SGCZ: variants seen among roughly 807,000 people sequenced by gnomAD.
The protein encoded by SGCZ is zeta-sarcoglycan.
A neutral mutation model predicts 41.3 loss-of-function variants in SGCZ; 40 were observed. That is an observed-to-expected ratio of 0.97 (90% CI 0.75 to 1.26). The LOEUF is 1.26. Ranked by LOEUF, SGCZ falls within the 50% of genes most tolerant of loss-of-function variation. The pLI, the probability that SGCZ is intolerant of heterozygous loss-of-function variation, is 0.00. For synonymous variants in SGCZ, 206 were observed against 137.5 expected (o/e 1.50, Z -3.49); for missense variants, 552 against 369.8 (o/e 1.49, Z -4.04).
chr8:14,884,319 T>A (rs753181760), intron 1 of SGCZ, among the ~76,000 whole-genome samples: 4 of 152,122 alleles, frequency 2.6e-5, no homozygotes, highest in Non-Finnish European at 5.9e-5. Flanking sequence ...ATATAATAAG[T>A]TTTACAATGA....
chr8:15,101,917 T>A (rs548190695), intron 1 of SGCZ, among the ~76,000 whole-genome samples: 1 of 152,246 alleles, frequency 6.6e-6, no homozygotes, highest in South Asian at 2.1e-4. Context: ...AGAGCGAGAC[T>A]GTCTAAAAAG....
At chr8:14,505,064 G>T (rs999383127) in intron 2 of SGCZ, among the ~76,000 whole-genome samples, 1 of 152,014 alleles carries the variant, frequency 6.6e-6, no homozygotes, top group African/African-American at 2.4e-5. Flanking sequence ...CATGAGAATG[G>T]CTTGAGCTCA....
At chr8:15,032,303 A>T (rs578224211) in intron 1 of SGCZ, among the ~76,000 whole-genome samples, 8 of 152,248 alleles carry the variant, frequency 5.3e-5, no homozygotes, top group East Asian at 1.9e-4. Context: ...AAAAGAAATT[A>T]AAAAAAGACA....
intron 1 of SGCZ, among the ~76,000 whole-genome samples, chr8:15,170,659 G>T (rs188771380): frequency 8.5e-5 from 13 of 152,090 alleles, no homozygotes; most frequent in African/African-American, 3.1e-4. Context: ...TTCTATGCAC[G>T]CTCTTTCAAA....
chr8:14,806,797 AAT>A (rs1801545090), intron 1 of SGCZ, among the ~76,000 whole-genome samples: 2 of 152,122 alleles, frequency 1.3e-5, no homozygotes, highest in Admixed American at 1.3e-4. Flanking sequence ...ATTTTAGACC[AAT>A]ATCCTTGATG....
At chr8:14,838,414 T>C (rs1461853202) in intron 1 of SGCZ, among the ~76,000 whole-genome samples, 4 of 152,124 alleles carry the variant, frequency 2.6e-5, no homozygotes, top group Non-Finnish European at 2.9e-5. Flanking sequence ...ATATGCAAAC[T>C]AACCAATCTG....
At chr8:14,483,136 G>A (rs1801580032) in intron 2 of SGCZ, among the ~76,000 whole-genome samples, 1 of 152,118 alleles carries the variant, frequency 6.6e-6, no homozygotes, top group South Asian at 2.1e-4. Context: ...TAATACTCAT[G>A]AAGTTCAGGC....
At chr8:14,791,399 A>G (rs1011716730) in intron 1 of SGCZ, among the ~76,000 whole-genome samples, 1 of 152,116 alleles carries the variant, frequency 6.6e-6, no homozygotes, top group African/African-American at 2.4e-5. Context: ...TATCCTGAGA[A>G]GCAAGTGGTC....
intron 2 of SGCZ, among the ~76,000 whole-genome samples, chr8:14,467,170 C>A (rs541920070): frequency 1.3e-5 from 2 of 151,934 alleles, no homozygotes; most frequent in South Asian, 4.2e-4. Context: ...TGTGACTTCT[C>A]CTGGACATTC....
intron 5 of SGCZ, among the ~76,000 whole-genome samples, chr8:14,116,410 C>G (rs1291145734): frequency 6.6e-6 from 1 of 152,014 alleles, no homozygotes; most frequent in Non-Finnish European, 1.5e-5. Flanking sequence ...TTTTTTGGGT[C>G]TCTCTGCCGA....
intron 5 of SGCZ, among the ~76,000 whole-genome samples, chr8:14,144,404 G>C (rs777307084): frequency 6.6e-6 from 1 of 152,146 alleles, no homozygotes; most frequent in Non-Finnish European, 1.5e-5. Context: ...TTGAAGAAAA[G>C]GACCCAGTCC....
At chr8:15,060,487 G>A (rs1804883101) in intron 1 of SGCZ, among the ~76,000 whole-genome samples, 1 of 135,538 alleles carries the variant, frequency 7.4e-6, no homozygotes, top group Non-Finnish European at 1.6e-5. Context: ...CTTGGACATA[G>A]GAAGGGGAAC....
intron 2 of SGCZ, among the ~76,000 whole-genome samples, chr8:14,469,380 C>A (rs1258356281): frequency 1.3e-5 from 2 of 152,090 alleles, no homozygotes; most frequent in East Asian, 3.9e-4. Context: ...CTTGTTGTCT[C>A]AAATCCAATC....
intron 2 of SGCZ, among the ~76,000 whole-genome samples, chr8:14,544,626 G>A (rs1218462136): frequency 6.6e-6 from 1 of 152,122 alleles, no homozygotes; most frequent in East Asian, 1.9e-4. Flanking sequence ...GATAAGGACT[G>A]AGATACACCC....
chr8:14,633,545 G>A (rs921491275), intron 1 of SGCZ, among the ~76,000 whole-genome samples: 1 of 151,856 alleles, frequency 6.6e-6, no homozygotes, highest in African/African-American at 2.4e-5. Flanking sequence ...AGAATAAAAA[G>A]TTGGCAAATA....
intron 1 of SGCZ, among the ~76,000 whole-genome samples, chr8:15,108,875 T>C (rs1286723070): frequency 2.6e-5 from 4 of 152,204 alleles, no homozygotes; most frequent in Admixed American, 1.3e-4. Flanking sequence ...CAACTGGCTG[T>C]ATTAGTTGTT....
chr8:14,405,041 G>C (rs540951442), intron 2 of SGCZ, among the ~76,000 whole-genome samples: 1 of 152,244 alleles, frequency 6.6e-6, no homozygotes, highest in South Asian at 2.1e-4. Context: ...CTCAGCTGTC[G>C]TCTTCCTCCA....
intron 1 of SGCZ, among the ~76,000 whole-genome samples, chr8:14,779,075 A>C (rs537622985): frequency 6.6e-6 from 1 of 152,330 alleles, no homozygotes; most frequent in South Asian, 2.1e-4. Context: ...ACTCAAGTGC[A>C]TATTTTCAAG....
At chr8:14,476,391 C>T (rs961877852) in intron 2 of SGCZ, among the ~76,000 whole-genome samples, 4 of 151,938 alleles carry the variant, frequency 2.6e-5, no homozygotes, top group Admixed American at 6.6e-5. Flanking sequence ...ATAAATCTTT[C>T]CTTATATATT....
Sources: allele counts gnomAD v4.1 joint callset (sites outside exome capture counted in the v4.1 genomes callset), GRCh38; gene constraint gnomAD v4.1.1; transcripts MANE v1.5; gene names NCBI Gene and HGNC (gene_info 2026-07-23, HGNC 2026-07-21).